The following DNAH14 variants were observed in gnomAD, a reference collection of about 807,000 sequenced individuals.
DNAH14 encodes the protein dynein axonemal heavy chain 14, also known as axonemal beta dynein heavy chain 14.
DNAH14 carries 478 observed loss-of-function variants against 520.9 expected under a neutral mutation model. The ratio of observed to expected loss-of-function variants is 0.92; its 90% CI spans 0.85 to 0.99. The LOEUF is 0.99. Among genes scored for constraint, DNAH14 ranks in the 50% least tolerant of loss-of-function variants. DNAH14 has a pLI of 0.00. For missense variants in DNAH14, 4,831 were observed against 5,234.5 expected, an observed-to-expected ratio of 0.92 and a Z score of 2.38; for synonymous variants, 1,581 against 1,757.2, an observed-to-expected ratio of 0.90 and a Z score of 2.51.
At chr1:225,112,180 T>C (rs921325917) in intron 23 of DNAH14, among the ~76,000 whole-genome samples, 9 of 152,178 alleles carry the variant, frequency 5.9e-5, no homozygotes, top group African/African-American at 1.9e-4. Flanking sequence ...CCTCAGCTTT[T>C]ATTTGTTTTG....
chr1:224,931,645 A>G (rs372044962), intron 1 of DNAH14, among the ~76,000 whole-genome samples: 5 of 152,248 alleles, frequency 3.3e-5, no homozygotes, highest in East Asian at 1.9e-4. Context: ...ATAGTATTCA[A>G]ATTTTAAACT....
intron 41 of DNAH14, among the ~76,000 whole-genome samples, chr1:225,211,422 T>C (rs2149451338): frequency 6.6e-6 from 1 of 151,944 alleles, no homozygotes; most frequent in East Asian, 1.9e-4. Flanking sequence ...AAAGATCAAT[T>C]TGATGAAATA....
Position 225,079,436 on chromosome 1 carries a change from C to A in DNAH14, c.2654C>A (p.Ser885Ter), listed in dbSNP as rs933676445. The change falls in exon 18 of 86, where the codon TCA becomes TAA. Residue 885 changes from serine to a stop codon, truncating the protein, a stop_gained. Coordinates refer to ENST00000682510, the MANE Select transcript of DNAH14 (RefSeq NM_001367479.1). LOFTEE classifies it high-confidence loss of function. ...VLLLKFSQLK[S>*]SMKLSKINKD... ...CTTCTTAAGTTTAGTCAACTAAAATCATCTATGAAGTTAAGTAAAATAAAT... is the reference window on the plus strand; with the variant it reads ...CTTCTTAAGTTTAGTCAACTAAAATAATCTATGAAGTTAAGTAAAATAAAT... 2 of 1,548,640 alleles carry A rather than the reference C, an allele frequency of 1.3e-6. No homozygotes were observed. Among genetic ancestry groups the A allele is most frequent in the Non-Finnish European group, 1.7e-6 (2 of 1,146,266 alleles).
At chr1:225,351,963 T>A (rs3856150) in intron 72 of DNAH14, 80 bp downstream of exon 72, 676,256 of 1,145,580 alleles carry the variant, frequency 0.59, 203,035 homozygotes, top group East Asian at 0.78. Context: ...ATGTCGTACA[T>A]TATCTTACAT....
chr1:225,182,200 A>C (rs373730690), intron 36 of DNAH14, among the ~76,000 whole-genome samples: 1 of 152,190 alleles, frequency 6.6e-6, no homozygotes, highest in Non-Finnish European at 1.5e-5. Flanking sequence ...TTCATCTCAT[A>C]AAATAAAATA....
rs1053122098 is a variant in DNAH14 at position 225,145,318 on chromosome 1, T to C, written c.4741-8T>C. The C allele has an allele frequency of 1.2e-5, 19 of 1,541,976 alleles. No homozygotes were observed. Among genetic ancestry groups the C allele is most frequent in the African/African-American group, 2.7e-5 (2 of 72,864 alleles). On this transcript the variant is annotated splice_polypyrimidine_tract_variant and splice_region_variant and intron_variant, in intron 29 of 85. Transcript: ENST00000682510. ...CAAGAAAGATACTAAAATATTTTTG[T>C]TTCCCAGTCCTTAGGCAAACATTGT...
chr1:225,072,267 G>C (rs1418778282), intron 17 of DNAH14, among the ~76,000 whole-genome samples: 1 of 152,038 alleles, frequency 6.6e-6, no homozygotes, highest in Non-Finnish European at 1.5e-5. Context: ...TTGTCTGCTT[G>C]TTTTATTTCC....
rs59479135 is a variant in DNAH14, at chr1:225,093,530, T to C, written c.3574-3588T>C. Among the ~76,000 whole-genome samples, 765 of 152,220 alleles carry C rather than the reference T, an allele frequency of 5.0e-3. 6 individuals are homozygous for C. Among genetic ancestry groups the C allele is most frequent in the African/African-American group, 0.017 (722 of 41,542 alleles). ...GACAAACCCGCAGCCAACATCATAC[T>C]GTATAAGCAAAAGCTGGAAGAATTC... On this transcript the variant is annotated intron_variant, in intron 21 of 85. Coordinates refer to ENST00000682510, the MANE Select transcript of DNAH14 (RefSeq NM_001367479.1).
rs1364815833 is a variant in DNAH14 at position 225,380,318 on chromosome 1, C to T, written c.12876C>T (p.Leu4292=). 5.0e-5 allele frequency: 78 copies of T among 1,550,780 alleles called. No individual in the cohort carries two copies. Among genetic ancestry groups the T allele is most frequent in the Non-Finnish European group, 6.2e-5 (71 of 1,146,578 alleles). ...SSIWESLSKN[L]KDHDPLIHCV... ...TTTGGGAGTCTCTTTCTAAAAATCT[C>T]AAAGGTGAGCATGGGACAGGAGCTT... The change falls in exon 80 of 86, where the codon CTC becomes CTT. Residue 4292 remains leucine, a synonymous_variant. Coordinates refer to ENST00000682510, the MANE Select transcript of DNAH14 (RefSeq NM_001367479.1).
intron 76 of DNAH14, among the ~76,000 whole-genome samples, chr1:225,365,157 A>G (rs1344935281): frequency 1.3e-5 from 2 of 152,352 alleles, no homozygotes; most frequent in East Asian, 3.9e-4. Context: ...AGCAAAATTT[A>G]CAATTTGTGT....
At chr1:225,306,481 T>A (rs2094244337) in intron 58 of DNAH14, among the ~76,000 whole-genome samples, 1 of 152,178 alleles carries the variant, frequency 6.6e-6, no homozygotes. Flanking sequence ...ATTGGCCAGA[T>A]GCCCTACAGG....
At chr1:225,371,583 A>G (rs1223844526) in intron 77 of DNAH14, among the ~76,000 whole-genome samples, 1 of 152,200 alleles carries the variant, frequency 6.6e-6, no homozygotes, top group Non-Finnish European at 1.5e-5. Context: ...AAATTCAATG[A>G]GATAAAATTA....
At chr1:225,117,368 TA>T (rs1461474871) in intron 23 of DNAH14, among the ~76,000 whole-genome samples, 1 of 150,946 alleles carries the variant, frequency 6.6e-6, no homozygotes, top group African/African-American at 2.4e-5. Flanking sequence ...ATAATAATAA[TA>T]ATTATTATTA....
chr1:225,153,887 G>A (rs144904397), intron 34 of DNAH14, 61 bp downstream of exon 34: 14 of 1,309,958 alleles, frequency 1.1e-5, no homozygotes, highest in Admixed American at 8.7e-5. Context: ...AAAATAATTT[G>A]TAGAATTACG....
In DNAH14 at chr1:225,158,370, G is replaced by A. The variant is rs1444690822; in HGVS notation, c.5274-944G>A. Among the ~76,000 whole-genome samples, 4 of 152,206 alleles carry A rather than the reference G, an allele frequency of 2.6e-5. No individual in the cohort carries two copies. In the East Asian group the frequency reaches 5.8e-4, roughly 22 times the overall value. ...GCAGGGTGTGATTGCTTTGATTAAGGTTTCAGTTTAATTTGTCTGAGATAT... is the reference window on the plus strand; with the variant it reads ...GCAGGGTGTGATTGCTTTGATTAAGATTTCAGTTTAATTTGTCTGAGATAT... On this transcript the variant is annotated intron_variant, in intron 34 of 85. Coordinates refer to ENST00000682510, the MANE Select transcript of DNAH14 (RefSeq NM_001367479.1).
At chr1:225,165,178 T>G (rs1406162927) in intron 35 of DNAH14, among the ~76,000 whole-genome samples, 6 of 152,120 alleles carry the variant, frequency 3.9e-5, no homozygotes, top group Non-Finnish European at 7.4e-5. Context: ...TTTAAAAATA[T>G]TATTCCATTT....
At chr1:225,190,337 C>T (rs1427968827) in intron 37 of DNAH14, among the ~76,000 whole-genome samples, 2 of 151,810 alleles carry the variant, frequency 1.3e-5, no homozygotes, top group African/African-American at 2.4e-5. Flanking sequence ...TTGTGTATGT[C>T]GATCTGATAA....
chr1:225,027,654 A>G (rs1408022311), intron 11 of DNAH14, among the ~76,000 whole-genome samples: 1 of 152,038 alleles, frequency 6.6e-6, no homozygotes, highest in East Asian at 1.9e-4. Context: ...TACACTCTTT[A>G]AAACAACCAG....
At chr1:225,253,064 A>G (rs2092612172) in intron 44 of DNAH14, among the ~76,000 whole-genome samples, 1 of 148,576 alleles carries the variant, frequency 6.7e-6, no homozygotes, top group Admixed American at 6.8e-5. Context: ...GTTGGTTGTA[A>G]GAGCTTTTGA....
Sources: allele counts gnomAD v4.1 joint callset (sites outside exome capture counted in the v4.1 genomes callset), GRCh38; gene constraint gnomAD v4.1.1; transcripts MANE v1.5; gene names NCBI Gene and HGNC (gene_info 2026-07-23, HGNC 2026-07-21).